Variants in FBXL13 observed in about 807,000 individuals in gnomAD.
FBXL13 encodes F-box and leucine-rich repeat protein 13.
FBXL13 carries 67 observed loss-of-function variants against 83.6 expected under a neutral mutation model. That is an observed-to-expected ratio of 0.80 (90% CI 0.66 to 0.98). The LOEUF (loss-of-function observed/expected upper bound fraction) is 0.98, where lower values mean the gene tolerates loss of function less well. FBXL13 is among the 50% of genes least tolerant of loss of function. The pLI, the probability that FBXL13 is intolerant of heterozygous loss-of-function variation, is 0.00. For missense variants in FBXL13, 822 were observed against 866.5 expected, an observed-to-expected ratio of 0.95 and a Z score of 0.64; for synonymous variants, 272 against 299.5, an observed-to-expected ratio of 0.91 and a Z score of 0.95.
chr7:102,957,508 T>G (rs922417483), intron 8 of FBXL13, among the ~76,000 whole-genome samples: 1 of 151,986 alleles, frequency 6.6e-6, no homozygotes, highest in Non-Finnish European at 1.5e-5. Context: ...CCAAAAGCAA[T>G]GGCAACAAAA....
chr7:103,073,419 G>C (rs1174773779), intron 1 of FBXL13, among the ~76,000 whole-genome samples: 1 of 152,046 alleles, frequency 6.6e-6, no homozygotes, highest in Non-Finnish European at 1.5e-5. Flanking sequence ...GGAGTTTGAG[G>C]CTGCAGTGAG....
At chr7:103,070,390 G>A (rs1406632633) in intron 1 of FBXL13, among the ~76,000 whole-genome samples, 1 of 151,870 alleles carries the variant, frequency 6.6e-6, no homozygotes, top group African/African-American at 2.4e-5. Flanking sequence ...CACCACACCT[G>A]GCAAATTTTT....
At chr7:103,027,635 T>C in intron 4 of FBXL13, 77 bp from the exon 6 acceptor site, 1 of 880,026 alleles carries the variant, frequency 1.1e-6, no homozygotes, top group Non-Finnish European at 1.7e-6. Flanking sequence ...GATTTAATAG[T>C]CTATCATGTT....
intron 6 of FBXL13, among the ~76,000 whole-genome samples, chr7:103,020,904 C>T (rs1037136892): frequency 2.0e-5 from 3 of 152,188 alleles, no homozygotes; most frequent in Non-Finnish European, 2.9e-5. Flanking sequence ...AATGGCCATA[C>T]TACCCAAGGT....
intron 2 of FBXL13, among the ~76,000 whole-genome samples, chr7:103,033,086 C>G (rs1481199839): frequency 6.6e-6 from 1 of 152,222 alleles, no homozygotes; most frequent in African/African-American, 2.4e-5. Flanking sequence ...CACACATACA[C>G]ACTCACACAC....
At chr7:102,983,163 A>G (rs1042095309) in intron 6 of FBXL13, among the ~76,000 whole-genome samples, 1 of 152,090 alleles carries the variant, frequency 6.6e-6, no homozygotes, top group African/African-American at 2.4e-5. Context: ...AGAAAAATCA[A>G]TATTGTCTTG....
chr7:102,868,352 C>T (rs1326617644), intron 16 of FBXL13, among the ~76,000 whole-genome samples: 1 of 152,176 alleles, frequency 6.6e-6, no homozygotes. Flanking sequence ...TTATTCTCCT[C>T]TCTACTTCTA....
intron 11 of FBXL13, among the ~76,000 whole-genome samples, chr7:102,886,775 G>C (rs1024380026): frequency 6.6e-6 from 1 of 152,022 alleles, no homozygotes; most frequent in Non-Finnish European, 1.5e-5. Flanking sequence ...AATAATATGA[G>C]CACCCAGACA....
intron 2 of FBXL13, among the ~76,000 whole-genome samples, chr7:103,054,643 T>C (rs1361047115): frequency 6.6e-6 from 1 of 152,126 alleles, no homozygotes; most frequent in Non-Finnish European, 1.5e-5. Context: ...TTTGGTCATG[T>C]CATTACGAGC....
intron 11 of FBXL13, among the ~76,000 whole-genome samples, chr7:102,887,940 A>G (rs1811016348): frequency 6.6e-6 from 1 of 152,226 alleles, no homozygotes; most frequent in African/African-American, 2.4e-5. Flanking sequence ...TAGTCAGAAA[A>G]AAAGAGAAAC....
intron 9 of FBXL13, among the ~76,000 whole-genome samples, chr7:102,929,308 T>C (rs187100192): frequency 6.6e-6 from 1 of 152,292 alleles, no homozygotes; most frequent in Non-Finnish European, 1.5e-5. Flanking sequence ...ATAAGTGTAA[T>C]ACAGTGTGAA....
At chr7:103,064,382 T>C (rs1798199991) in intron 1 of FBXL13, among the ~76,000 whole-genome samples, 1 of 152,118 alleles carries the variant, frequency 6.6e-6, no homozygotes, top group Non-Finnish European at 1.5e-5. Context: ...AGAATAAGAA[T>C]GTAGGAAATA....
intron 8 of FBXL13, among the ~76,000 whole-genome samples, chr7:102,932,287 T>C (rs1381223074): frequency 2.0e-5 from 3 of 152,210 alleles, no homozygotes; most frequent in African/African-American, 7.2e-5. Flanking sequence ...TCATTTAACA[T>C]TTTATTATGA....
chr7:102,844,155 T>C (rs1461969849), intron 17 of FBXL13, among the ~76,000 whole-genome samples: 6 of 152,244 alleles, frequency 3.9e-5, no homozygotes, highest in Non-Finnish European at 7.3e-5. Context: ...TTCAGGGCTT[T>C]AAAAAGCAGA....
chr7:102,864,783 G>A (rs1206308080), intron 16 of FBXL13, among the ~76,000 whole-genome samples: 1 of 152,184 alleles, frequency 6.6e-6, no homozygotes, highest in Non-Finnish European at 1.5e-5. Context: ...TGCATATAGT[G>A]CTTGCCATGT....
chr7:102,825,098 T>G (rs975710002), intron 18 of FBXL13, among the ~76,000 whole-genome samples: 2 of 152,236 alleles, frequency 1.3e-5, no homozygotes, highest in South Asian at 4.1e-4. Flanking sequence ...AATAACATTT[T>G]GATGACTGTT....
intron 1 of FBXL13, among the ~76,000 whole-genome samples, chr7:103,074,018 C>CA (rs1799345532): frequency 6.6e-6 from 1 of 152,204 alleles, no homozygotes; most frequent in Non-Finnish European, 1.5e-5. Context: ...TTCCTACCCC[C>CA]AAACCTACAA....
At chr7:103,048,106 T>C (rs1293020596) in intron 2 of FBXL13, among the ~76,000 whole-genome samples, 1 of 152,228 alleles carries the variant, frequency 6.6e-6, no homozygotes, top group Non-Finnish European at 1.5e-5. Context: ...TGTTAAATAA[T>C]TCTGTTTACC....
At chr7:103,021,987 C>G (rs1395182249) in intron 6 of FBXL13, among the ~76,000 whole-genome samples, 2 of 152,100 alleles carry the variant, frequency 1.3e-5, no homozygotes, top group Non-Finnish European at 2.9e-5. Flanking sequence ...TGAGTATATA[C>G]CCAAAGGATT....
Sources: gnomAD v4.1 joint callset for allele counts (sites outside exome capture counted in the v4.1 genomes callset) on GRCh38, gnomAD v4.1.1 for gene constraint, MANE v1.5 for transcripts, NCBI Gene and HGNC (gene_info 2026-07-23, HGNC 2026-07-21) for gene names.